Variants in SERGEF observed in about 807,000 individuals in gnomAD.
SERGEF encodes the protein secretion-regulating guanine nucleotide exchange factor.
In SERGEF, 51 loss-of-function variants were observed where a neutral mutation model predicts 50.0. The observed-to-expected ratio is 1.02, with a 90% CI of 0.81 to 1.29. The LOEUF is 1.29. Among genes scored for constraint, SERGEF ranks in the 50% most tolerant of loss-of-function variants. The pLI is 0.00. For missense variants in SERGEF, 521 were observed against 557.0 expected (o/e 0.94, Z 0.65); for synonymous variants, 205 against 212.4 (o/e 0.97, Z 0.30).
At chr11:17,878,884 G>C (rs1851288886) in intron 9 of SERGEF, among the ~76,000 whole-genome samples, 1 of 152,146 alleles carries the variant, frequency 6.6e-6, no homozygotes, top group African/African-American at 2.4e-5. Flanking sequence ...AAATCTCAAA[G>C]TATCTACTAA....
intron 9 of SERGEF, among the ~76,000 whole-genome samples, chr11:17,918,064 A>G (rs554032998): frequency 6.6e-6 from 1 of 152,320 alleles, no homozygotes; most frequent in Non-Finnish European, 1.5e-5. Context: ...TTGAGTCTCA[A>G]ATCAGTAAAG....
chr11:17,794,133 C>T (rs932317317), intron 10 of SERGEF, among the ~76,000 whole-genome samples: 1 of 152,214 alleles, frequency 6.6e-6, no homozygotes, highest in African/African-American at 2.4e-5. Context: ...GTCTCTTGAA[C>T]CACAGAATAA....
rs1851580048 is a variant in SERGEF at position 17,894,010 on chromosome 11, T to C, written c.1012-15766A>G. On this transcript the variant is annotated intron_variant, in intron 9 of 10. Transcript: ENST00000265965. The stretch of plus-strand genomic sequence containing the variant: ...CTCCCCTCTGACCTCTCCCCCACTC[T>C]GTCAAAATGGTCTTCCTAAAGTACA... 3.3e-5 allele frequency among the ~76,000 whole-genome samples: 5 copies of C among 152,224 alleles called. No individual in the cohort carries two copies. The South Asian group carries it at 8.3e-4, about 25-fold the overall frequency.
At chr11:17,840,586 G>C (rs1850482925) in intron 10 of SERGEF, among the ~76,000 whole-genome samples, 1 of 152,186 alleles carries the variant, frequency 6.6e-6, no homozygotes, top group African/African-American at 2.4e-5. Flanking sequence ...GTGGCTCAGA[G>C]TGCCCAGCTG....
intron 9 of SERGEF, 58 bp downstream of exon 9, chr11:17,959,412 G>T: frequency 6.8e-7 from 1 of 1,473,204 alleles, no homozygotes; most frequent in South Asian, 1.2e-5. Flanking sequence ...CTCAGTAAAT[G>T]ATTCACTGAA....
intron 9 of SERGEF, among the ~76,000 whole-genome samples, chr11:17,942,322 C>T (rs975368063): frequency 2.0e-5 from 3 of 152,026 alleles, no homozygotes; most frequent in Non-Finnish European, 2.9e-5. Flanking sequence ...AAGTCTTGCA[C>T]GTTTTTGTTA....
intron 8 of SERGEF, among the ~76,000 whole-genome samples, chr11:17,960,035 C>G (rs564310041): frequency 1.9e-4 from 29 of 152,208 alleles, no homozygotes; most frequent in Non-Finnish European, 3.7e-4. Context: ...TCCTCTCCCC[C>G]ACCCAACCCA....
intron 9 of SERGEF, among the ~76,000 whole-genome samples, chr11:17,954,675 C>T (rs1852830840): frequency 6.6e-6 from 1 of 152,222 alleles, no homozygotes; most frequent in Admixed American, 6.5e-5. Context: ...CCTGCTCCTG[C>T]TCCAATGGCA....
At chr11:17,960,929 G>C (rs1230966248) in intron 8 of SERGEF, among the ~76,000 whole-genome samples, 1 of 152,170 alleles carries the variant, frequency 6.6e-6, no homozygotes, top group Non-Finnish European at 1.5e-5. Flanking sequence ...CTCCTTCATG[G>C]CTCTTTGTGT....
chr11:17,853,621 T>A (rs1055195932), intron 10 of SERGEF: 10 of 152,052 alleles, frequency 6.6e-5, no homozygotes, highest in Admixed American at 6.6e-4. Flanking sequence ...ACGTATGGAG[T>A]TCCTATTGAG....
At chr11:17,861,009 G>T (rs1850917261) in intron 10 of SERGEF, among the ~76,000 whole-genome samples, 1 of 152,132 alleles carries the variant, frequency 6.6e-6, no homozygotes, top group African/African-American at 2.4e-5. Context: ...ACAATAATCA[G>T]GTAGCAAGCA....
At chr11:17,937,776 A>G (rs1852483196) in intron 9 of SERGEF, among the ~76,000 whole-genome samples, 1 of 152,148 alleles carries the variant, frequency 6.6e-6, no homozygotes, top group African/African-American at 2.4e-5. Flanking sequence ...CCTAAAATGG[A>G]ATCTTTGGGG....
At chr11:17,789,082 G>A (rs1250058299) in intron 10 of SERGEF, among the ~76,000 whole-genome samples, 1 of 152,154 alleles carries the variant, frequency 6.6e-6, no homozygotes. Context: ...CTTGTTTTCT[G>A]TTCCTTAAGT....
intron 1 of SERGEF, among the ~76,000 whole-genome samples, chr11:18,009,101 G>A (rs1183459104): frequency 6.6e-6 from 1 of 151,954 alleles, no homozygotes; most frequent in Non-Finnish European, 1.5e-5. Flanking sequence ...AATCTGAAAA[G>A]AAAAATAATA....
chr11:17,801,693 A>C, intron 10 of SERGEF, among the ~76,000 whole-genome samples: 1 of 152,146 alleles, frequency 6.6e-6, no homozygotes, highest in Admixed American at 6.5e-5. Context: ...GAATGAATGA[A>C]TGTATTCCCC....
intron 9 of SERGEF, among the ~76,000 whole-genome samples, chr11:17,954,830 A>T (rs971779729): frequency 6.6e-6 from 1 of 152,180 alleles, no homozygotes; most frequent in African/African-American, 2.4e-5. Context: ...CCTTAGAAAC[A>T]CTGGGAGTCA....
chr11:17,886,918 G>A (rs1851441452), intron 9 of SERGEF, among the ~76,000 whole-genome samples: 1 of 152,200 alleles, frequency 6.6e-6, no homozygotes, highest in South Asian at 2.1e-4. Flanking sequence ...CTGTCTCAAT[G>A]TGGATTAATG....
intron 8 of SERGEF, among the ~76,000 whole-genome samples, chr11:17,967,703 T>C (rs1337239349): frequency 2.6e-5 from 4 of 152,186 alleles, no homozygotes; most frequent in Admixed American, 2.0e-4. Flanking sequence ...GAAGCCCCAG[T>C]CCTAGTTTGT....
chr11:17,955,453 G>A (rs768472251), intron 9 of SERGEF, among the ~76,000 whole-genome samples: 6 of 152,208 alleles, frequency 3.9e-5, no homozygotes, highest in Non-Finnish European at 8.8e-5. Context: ...AGTCAAGAAG[G>A]AGGTAAATGT....
Sources: allele counts gnomAD v4.1 joint callset (sites outside exome capture counted in the v4.1 genomes callset), GRCh38; gene constraint gnomAD v4.1.1; transcripts MANE v1.5; gene names NCBI Gene and HGNC (gene_info 2026-07-23, HGNC 2026-07-21).